Variants in GMEB2 observed in about 807,000 individuals in gnomAD.
GMEB2 encodes the protein glucocorticoid modulatory element binding protein 2.
GMEB2 carries 7 observed loss-of-function variants against 45.7 expected under a neutral mutation model. That is an observed-to-expected ratio of 0.15 (90% CI 0.09 to 0.29). The LOEUF is 0.29. Among genes scored for constraint, GMEB2 ranks in the 10% least tolerant of loss-of-function variants. The pLI, the probability that GMEB2 is intolerant of heterozygous loss-of-function variation, is 1.00. For missense variants in GMEB2, 582 were observed against 739.2 expected, an observed-to-expected ratio of 0.79 and a Z score of 2.47; for synonymous variants, 322 against 323.6, an observed-to-expected ratio of 1.00 and a Z score of 0.05.
At chr20:63,596,828 G>A (rs990866890) in intron 5 of GMEB2, among the ~76,000 whole-genome samples, 5 of 152,172 alleles carry the variant, frequency 3.3e-5, no homozygotes, top group Non-Finnish European at 5.9e-5. Flanking sequence ...GACCAGCCTG[G>A]ACAATATGGC....
At chr20:63,621,168 G>C (rs544247482) in intron 1 of GMEB2, among the ~76,000 whole-genome samples, 1 of 152,338 alleles carries the variant, frequency 6.6e-6, no homozygotes, top group South Asian at 2.1e-4. Context: ...CCGCACTCCA[G>C]TCTGGGCAAC....
At chr20:63,614,799 T>A (rs546771875) in intron 2 of GMEB2, among the ~76,000 whole-genome samples, 64 of 152,320 alleles carry the variant, frequency 4.2e-4, no homozygotes, top group African/African-American at 1.5e-3. Context: ...CCTCTCTCTC[T>A]GCCTCAGCTG....
intron 1 of GMEB2, among the ~76,000 whole-genome samples, chr20:63,623,033 T>C (rs890146391): frequency 6.6e-6 from 1 of 152,108 alleles, no homozygotes; most frequent in African/African-American, 2.4e-5. Flanking sequence ...ACAGGAACAC[T>C]ACTCAAAGTA....
chr20:63,599,142 A>G (rs2083222331), intron 4 of GMEB2, among the ~76,000 whole-genome samples: 2 of 151,864 alleles, frequency 1.3e-5, no homozygotes, highest in South Asian at 4.2e-4. Context: ...CCCAGAGCTA[A>G]CGCAGCCGCT....
chr20:63,626,506 T>G (rs1452207346), intron 1 of GMEB2, among the ~76,000 whole-genome samples: 4 of 140,154 alleles, frequency 2.9e-5, no homozygotes, highest in African/African-American at 8.2e-5. Flanking sequence ...CCCTGTGGGG[T>G]GGTCCCTGTG....
intron 2 of GMEB2, among the ~76,000 whole-genome samples, chr20:63,615,986 T>C (rs1266642206): frequency 6.6e-6 from 1 of 152,258 alleles, no homozygotes; most frequent in East Asian, 1.9e-4. Context: ...AGTAGTAATA[T>C]GGCCTTTTTG....
intron 5 of GMEB2, among the ~76,000 whole-genome samples, chr20:63,596,041 C>A (rs1360875116): frequency 2.6e-5 from 4 of 152,200 alleles, no homozygotes; most frequent in African/African-American, 7.2e-5. Flanking sequence ...AGGTGCCCGT[C>A]AGAGTCTGTG....
At chr20:63,613,226 C>G (rs1274950439) in intron 2 of GMEB2, among the ~76,000 whole-genome samples, 1 of 152,244 alleles carries the variant, frequency 6.6e-6, no homozygotes, top group Non-Finnish European at 1.5e-5. Flanking sequence ...AAAGAGTTAA[C>G]TCAAGCATAA....
intron 1 of GMEB2, among the ~76,000 whole-genome samples, chr20:63,625,090 T>C (rs1453815297): frequency 6.6e-6 from 1 of 152,136 alleles, no homozygotes; most frequent in Non-Finnish European, 1.5e-5. Flanking sequence ...GATACAATGC[T>C]CTTTAGACAC....
intron 2 of GMEB2, among the ~76,000 whole-genome samples, chr20:63,609,030 CT>C (rs2089544965): frequency 1.1e-5 from 1 of 87,924 alleles, no homozygotes; most frequent in Non-Finnish European, 2.7e-5. Context: ...AAACATGTCC[CT>C]CTGACCCACA....
chr20:63,610,605 CA>C (rs1031375934), intron 2 of GMEB2, among the ~76,000 whole-genome samples: 1 of 152,158 alleles, frequency 6.6e-6, no homozygotes, highest in Non-Finnish European at 1.5e-5. Flanking sequence ...TAATTCCCCA[CA>C]AAAAAGAAGA....
chr20:63,593,285 C>T lies in GMEB2; in HGVS notation c.620-203G>A, dbSNP rs545818194. ...ATTTTTAATCACAGACGTTGTCAAA[C>T]ATACAAAGGAGAAACAACGCAGAAA... On this transcript the variant is annotated intron_variant, in intron 6 of 9. Transcript: ENST00000370077. The surrounding 1 kb of genome is among the most constrained non-coding windows in gnomAD (Gnocchi z 4.7). 1.3e-5 allele frequency among the ~76,000 whole-genome samples: 2 copies of T among 152,272 alleles called. No homozygotes were observed. The highest frequency in any genetic ancestry group is 4.8e-5 in the African/African-American group (2 of 41,548).
At chr20:63,599,550 C>T (rs1343023594) in intron 4 of GMEB2, among the ~76,000 whole-genome samples, 1 of 152,202 alleles carries the variant, frequency 6.6e-6, no homozygotes, top group South Asian at 2.1e-4. Flanking sequence ...GAGGCTCTGG[C>T]GCTGCCACCT....
chr20:63,614,183 T>C (rs1367487422), intron 2 of GMEB2, among the ~76,000 whole-genome samples: 2 of 152,122 alleles, frequency 1.3e-5, no homozygotes, highest in African/African-American at 4.8e-5. Context: ...ATAAATATGA[T>C]TATATATGAA....
chr20:63,625,468 T>C (rs1475497038), intron 1 of GMEB2, among the ~76,000 whole-genome samples: 1 of 152,188 alleles, frequency 6.6e-6, no homozygotes, highest in African/African-American at 2.4e-5. Context: ...CCACTACACC[T>C]GGCCTCTCCA....
chr20:63,620,382 C>G (rs577119213), intron 1 of GMEB2, among the ~76,000 whole-genome samples: 1 of 152,236 alleles, frequency 6.6e-6, no homozygotes, highest in East Asian at 1.9e-4. Flanking sequence ...TGCCCTCTCA[C>G]TCTCCATCCC....
Position 63,592,944 on chromosome 20 carries a change from C to G in GMEB2, c.691+67G>C. The G allele has an allele frequency of 9.3e-7, 1 of 1,076,596 alleles. No individual in the cohort carries two copies. The highest frequency in any genetic ancestry group is 1.4e-6 in the Non-Finnish European group (1 of 710,892). 66.7% of individuals were successfully genotyped at this position (1,076,596 alleles called of 1,614,324 possible). A position where few individuals can be genotyped will look rare whatever the true frequency, so the allele number is the denominator to read the frequency against. ...GGACTCCTGGAGCCCCTGTGTGGCC[C>G]GAGGTGGGCAGAGACTCCACCACCC... On this transcript the variant is annotated intron_variant, in intron 7 of 9. Transcript: ENST00000370077. This position sits in a 1 kb window ranked among gnomAD's most constrained non-coding sequence, Gnocchi z 8.2.
rs1047762915 is a variant in GMEB2, at chr20:63,593,969, G to A, written c.620-887C>T. On this transcript the variant is annotated intron_variant, in intron 6 of 9. Transcript: ENST00000370077. The surrounding 1 kb of genome is among the most constrained non-coding windows in gnomAD (Gnocchi z 4.7). ...CGGAAGGCAGAGGTTGCAGTGAGCC[G>A]AGATCAGGCCCCTGCACTCCAGCCT... Among the ~76,000 whole-genome samples the A allele has an allele frequency of 2.0e-5, 3 of 152,230 alleles. No homozygotes were observed. Among genetic ancestry groups the A allele is most frequent in the South Asian group, 2.1e-4 (1 of 4,832 alleles).
chr20:63,594,835 G>A (rs542353904), intron 6 of GMEB2, among the ~76,000 whole-genome samples: 18 of 152,230 alleles, frequency 1.2e-4, no homozygotes, highest in Non-Finnish European at 2.4e-4. Flanking sequence ...TGCAACCTCC[G>A]CCTCCTGGGT....
Sources: allele counts gnomAD v4.1 joint callset (sites outside exome capture counted in the v4.1 genomes callset), GRCh38; gene constraint gnomAD v4.1.1; non-coding constraint Gnocchi (gnomAD v3.1); transcripts MANE v1.5; gene names NCBI Gene and HGNC (gene_info 2026-07-23, HGNC 2026-07-21).